The following ZNF385B variants were observed in gnomAD, a reference collection of about 807,000 sequenced individuals.
The protein encoded by ZNF385B is zinc finger protein 533.
In ZNF385B, 23 loss-of-function variants were observed where a neutral mutation model predicts 39.2. That is an observed-to-expected ratio of 0.59 (90% CI 0.42 to 0.83). The LOEUF (loss-of-function observed/expected upper bound fraction) is 0.83. Among genes scored for constraint, ZNF385B ranks in the 40% least tolerant of loss-of-function variants. The pLI, the probability that ZNF385B is intolerant of heterozygous loss-of-function variation, is 0.00. For missense variants in ZNF385B, 552 were observed against 598.9 expected, an observed-to-expected ratio of 0.92 and a Z score of 0.82; for synonymous variants, 205 against 222.6, an observed-to-expected ratio of 0.92 and a Z score of 0.70.
At chr2:179,727,102 A>T (rs1444615774) in intron 3 of ZNF385B, among the ~76,000 whole-genome samples, 1 of 152,078 alleles carries the variant, frequency 6.6e-6, no homozygotes, top group African/African-American at 2.4e-5. Context: ...AGTTCAGATG[A>T]GATGAACAGA....
intron 3 of ZNF385B, among the ~76,000 whole-genome samples, chr2:179,708,997 TAA>T (rs2106379512): frequency 6.6e-6 from 1 of 152,310 alleles, no homozygotes; most frequent in African/African-American, 2.4e-5. Context: ...CATCTGATGA[TAA>T]GAGAGGCGTT....
chr2:179,755,694 C>G (rs1257625462), intron 3 of ZNF385B, among the ~76,000 whole-genome samples: 13 of 152,156 alleles, frequency 8.5e-5, no homozygotes, highest in African/African-American at 2.7e-4. Flanking sequence ...TAATGGCCTT[C>G]TATGTCTCTT....
intron 3 of ZNF385B, among the ~76,000 whole-genome samples, chr2:179,621,991 A>T (rs1690254249): frequency 6.6e-6 from 1 of 152,164 alleles, no homozygotes; most frequent in African/African-American, 2.4e-5. Flanking sequence ...GAAGTCACCA[A>T]TTTACCAGGA....
chr2:179,646,697 C>T (rs946489584), intron 3 of ZNF385B, among the ~76,000 whole-genome samples: 9 of 152,100 alleles, frequency 5.9e-5, no homozygotes, highest in African/African-American at 1.9e-4. Flanking sequence ...AAATTAAAAT[C>T]GTAGCCTACA....
At position 179,814,565 on chromosome 2, in the gene ZNF385B, G is replaced by A. The variant is rs932362392; in HGVS notation, c.-154-43893C>T. 3.9e-6 allele frequency: 3 copies of A among 772,166 alleles called. No homozygotes were observed. In the East Asian group the frequency reaches 1.4e-4, roughly 36 times the overall value. 47.8% of individuals were successfully genotyped at this position (772,166 alleles called of 1,614,324 possible). Reference sequence around the variant, plus strand: ...GCAACAACAAGATTAACTGGGCCATGGAGGACAAGCAGGAGATGGTCGACA... The same window carrying A: ...GCAACAACAAGATTAACTGGGCCATAGAGGACAAGCAGGAGATGGTCGACA... On this transcript the variant is annotated intron_variant, in intron 1 of 9. Coordinates refer to ENST00000410066, the MANE Select transcript of ZNF385B (RefSeq NM_152520.6).
chr2:179,833,019 T>C (rs913463130), intron 1 of ZNF385B, among the ~76,000 whole-genome samples: 2 of 152,200 alleles, frequency 1.3e-5, no homozygotes, highest in Non-Finnish European at 2.9e-5. Flanking sequence ...TCTCAGAGTA[T>C]ATCACTTTTT....
chr2:179,720,974 G>T (rs1575341126), intron 3 of ZNF385B, among the ~76,000 whole-genome samples: 1 of 108,774 alleles, frequency 9.2e-6, no homozygotes. Flanking sequence ...CTGGTATGTT[G>T]CCCAAGCTTA....
chr2:179,588,904 CA>C (rs1479439782), intron 3 of ZNF385B, among the ~76,000 whole-genome samples: 3 of 152,176 alleles, frequency 2.0e-5, no homozygotes, highest in Admixed American at 1.3e-4. Context: ...AGAACTCTTG[CA>C]AAATGCTGCC....
chr2:179,556,818 G>A (rs1001172578), intron 3 of ZNF385B, among the ~76,000 whole-genome samples: 2 of 148,882 alleles, frequency 1.3e-5, no homozygotes, highest in Non-Finnish European at 3.0e-5. Context: ...GAATAGGGGA[G>A]ACTAACACAG....
At chr2:179,588,264 A>G (rs1687258646) in intron 3 of ZNF385B, among the ~76,000 whole-genome samples, 2 of 151,868 alleles carry the variant, frequency 1.3e-5, no homozygotes, top group African/African-American at 2.4e-5. Context: ...AATTTTTTGT[A>G]TTTTTAGCAG....
At chr2:179,507,440 G>T (rs2057333362) in intron 5 of ZNF385B, among the ~76,000 whole-genome samples, 1 of 152,062 alleles carries the variant, frequency 6.6e-6, no homozygotes, top group South Asian at 2.1e-4. Context: ...CAAATACAAG[G>T]ATAACATGTA....
chr2:179,587,704 T>C (rs1471549621), intron 3 of ZNF385B, among the ~76,000 whole-genome samples: 2 of 152,152 alleles, frequency 1.3e-5, no homozygotes, highest in African/African-American at 4.8e-5. Flanking sequence ...GTAAAAGGTT[T>C]AAAATGCACA....
chr2:179,497,678 C>A (rs958853771), intron 5 of ZNF385B, among the ~76,000 whole-genome samples: 2 of 151,700 alleles, frequency 1.3e-5, no homozygotes, highest in African/African-American at 4.8e-5. Context: ...ATAAAACAAC[C>A]AGAAAACACA....
chr2:179,575,180 A>G (rs1685669820), intron 3 of ZNF385B, among the ~76,000 whole-genome samples: 1 of 152,106 alleles, frequency 6.6e-6, no homozygotes, highest in African/African-American at 2.4e-5. Flanking sequence ...TCCCAGAACC[A>G]CGCTGAAAGC....
intron 1 of ZNF385B, among the ~76,000 whole-genome samples, chr2:179,794,945 G>T (rs549784327): frequency 4.3e-4 from 66 of 152,238 alleles, no homozygotes; most frequent in African/African-American, 1.5e-3. Flanking sequence ...TGTGTAATGG[G>T]AAGAGTATGT....
chr2:179,545,035 AGTGCAAGAACAAGTCTGT>A, intron 3 of ZNF385B, 66 bp from the exon 4 acceptor site: 1 of 1,606,552 alleles, frequency 6.2e-7, no homozygotes, highest in South Asian at 1.1e-5. Flanking sequence ...CCAAACCTAC[AGTGCAAGAACAAGTCTGT>A]TGAGCTGCAA....
intron 3 of ZNF385B, among the ~76,000 whole-genome samples, chr2:179,760,133 T>G (rs1221369878): frequency 6.6e-6 from 1 of 151,548 alleles, no homozygotes; most frequent in Non-Finnish European, 1.5e-5. Context: ...TTTTTAAAGC[T>G]ATAGAATAAT....
chr2:179,481,379 T>A (rs1013258929), intron 6 of ZNF385B, among the ~76,000 whole-genome samples: 1 of 144,696 alleles, frequency 6.9e-6, no homozygotes, highest in African/African-American at 2.5e-5. Context: ...TATCTCCTCA[T>A]CTTTGACTTT....
intron 3 of ZNF385B, among the ~76,000 whole-genome samples, chr2:179,726,595 C>T (rs1575356059): frequency 2.0e-5 from 3 of 151,968 alleles, no homozygotes; most frequent in African/African-American, 7.2e-5. Flanking sequence ...GTAGTGGTGG[C>T]GGCCTAGTGT....
Sources: allele counts gnomAD v4.1 joint callset (sites outside exome capture counted in the v4.1 genomes callset), GRCh38; gene constraint gnomAD v4.1.1; transcripts MANE v1.5; gene names NCBI Gene and HGNC (gene_info 2026-07-23, HGNC 2026-07-21).